USP22: variants seen among roughly 807,000 people sequenced by gnomAD.
USP22 encodes the protein ubiquitin specific peptidase 22, also known as ubiquitin carboxyl-terminal hydrolase 22.
In USP22, 22 loss-of-function variants were observed where a neutral mutation model predicts 68.1. That is an observed-to-expected ratio of 0.32 (90% CI 0.23 to 0.46). The LOEUF (loss-of-function observed/expected upper bound fraction) is 0.46, where lower values mean the gene tolerates loss of function less well. Among genes scored for constraint, USP22 ranks in the 20% least tolerant of loss-of-function variants. The pLI, the probability that USP22 is intolerant of heterozygous loss-of-function variation, is 1.00. For missense variants in USP22, 433 were observed against 695.8 expected (o/e 0.62, Z 4.25); for synonymous variants, 279 against 274.2 (o/e 1.02, Z -0.17).
At chr17:21,040,266 T>C (rs992530410) in intron 1 of USP22, among the ~76,000 whole-genome samples, 1 of 152,226 alleles carries the variant, frequency 6.6e-6, no homozygotes, top group African/African-American at 2.4e-5. Context: ...ATTGTCCAAC[T>C]GTTAATCATC....
At chr17:21,007,732 C>T (rs1913822766) in intron 9 of USP22, 138 bp downstream of exon 9, 1 of 1,122,864 alleles carries the variant, frequency 8.9e-7, no homozygotes, top group Non-Finnish European at 1.3e-6. Context: ...AATTCCCTCA[C>T]ACCCTCCCTT....
intron 3 of USP22, 88 bp from the exon 4 acceptor site, chr17:21,019,273 T>C (rs1972125118): frequency 7.6e-7 from 1 of 1,324,058 alleles, no homozygotes; most frequent in South Asian, 1.2e-5. Flanking sequence ...CGCTATGCTG[T>C]CTGTCAGGGT....
intron 1 of USP22, among the ~76,000 whole-genome samples, chr17:21,035,515 C>CAAAA (rs397713970): frequency 6.8e-6 from 1 of 147,344 alleles, no homozygotes; most frequent in Non-Finnish European, 1.5e-5. Context: ...GGAAATAGGA[C>CAAAA]AAAAAAAAAA....
Position 21,017,948 on chromosome 17 carries a change from A to C in USP22, c.684T>G (p.Phe228Leu), listed in dbSNP as rs773476929. Residue 228 changes from phenylalanine to leucine, a missense_variant, in exon 5 of 13, where the codon TTT becomes TTG. This residue lies in a region of USP22 where 144 missense variants were observed against 237.2 expected (regional missense o/e 0.61). Coordinates refer to ENST00000261497, the MANE Select transcript of USP22 (RefSeq NM_015276.2). ...AGAAGTCAATGGCGCTCACCTCCTG[A>C]AACAGTGAGGACATCTCACAGACCA... ...SCLVCEMSSLFQEFYSGHRSP... is the reference protein window; with the variant it reads ...SCLVCEMSSLLQEFYSGHRSP... The C allele has an allele frequency of 6.8e-6, 11 of 1,613,962 alleles. No homozygotes were observed. Among genetic ancestry groups the C allele is most frequent in the Admixed American group, 1.7e-5 (1 of 59,996 alleles).
intron 1 of USP22, among the ~76,000 whole-genome samples, chr17:21,034,070 G>GA (rs796357794): frequency 0.017 from 2,493 of 147,250 alleles, 59 homozygotes; most frequent in African/African-American, 0.053. Flanking sequence ...TCCTTTATAT[G>GA]AAAAAAAAAA....
At position 21,028,642 on chromosome 17, in the gene USP22, G is replaced by C. The variant is rs779387291; in HGVS notation, c.204C>G (p.Val68=). The change falls in exon 2 of 13, where the codon GTC becomes GTG. Residue 68 remains valine (V), a synonymous_variant. Transcript: ENST00000261497. ...GGCAGGAATGCAGCCTGTTGAGGTG[G>C]ACGCCACAGACATGGCAGATACAGG... ...AKSCICHVCG[V]HLNRLHSCLY... The C allele has an allele frequency of 3.1e-6, 5 of 1,613,970 alleles. No individual in the cohort carries two copies. Among genetic ancestry groups the C allele is most frequent in the Non-Finnish European group, 4.2e-6 (5 of 1,179,988 alleles).
At chr17:21,041,771 C>A (rs992134599) in intron 1 of USP22, among the ~76,000 whole-genome samples, 17 of 152,234 alleles carry the variant, frequency 1.1e-4, no homozygotes, top group Admixed American at 9.8e-4. Context: ...AAACTTTATT[C>A]ACATAGAAGA....
intron 1 of USP22, chr17:21,042,344 G>GGGCGGAGAGAAGGGAGGGGT (rs1972446201): frequency 5.9e-6 from 1 of 170,222 alleles, no homozygotes; most frequent in Admixed American, 6.4e-5. Context: ...AAGGGAGGGG[G>GGGCGGAGAGAAGGGAGGGGT]AGGGCGGAGA....
At chr17:21,034,808 C>G (rs902913932) in intron 1 of USP22, among the ~76,000 whole-genome samples, 3 of 152,058 alleles carry the variant, frequency 2.0e-5, no homozygotes, top group Non-Finnish European at 4.4e-5. Context: ...GCTTCTTTTA[C>G]GTGAAAAGGT....
chr17:21,033,915 A>C (rs1418451869), intron 1 of USP22, among the ~76,000 whole-genome samples: 1 of 152,042 alleles, frequency 6.6e-6, no homozygotes, highest in African/African-American at 2.4e-5. Context: ...TGCTCGGCTA[A>C]CTTTTTGTAT....
chr17:21,022,854 G>A (rs1972173866), intron 2 of USP22, among the ~76,000 whole-genome samples: 2 of 151,584 alleles, frequency 1.3e-5, no homozygotes, highest in Non-Finnish European at 2.9e-5. Flanking sequence ...AAGGTAAATG[G>A]CTCTACCATA....
intron 1 of USP22, among the ~76,000 whole-genome samples, chr17:21,039,913 C>T (rs750359053): frequency 3.3e-5 from 5 of 152,064 alleles, no homozygotes; most frequent in Non-Finnish European, 7.4e-5. Flanking sequence ...ATCATTAAAA[C>T]CAAAAATATG....
intron 2 of USP22, among the ~76,000 whole-genome samples, chr17:21,021,706 G>A (rs889275407): frequency 6.6e-6 from 1 of 152,162 alleles, no homozygotes; most frequent in Non-Finnish European, 1.5e-5. Flanking sequence ...AGTACAGGGG[G>A]AAAATAGTTT....
intron 12 of USP22, 77 bp downstream of exon 12, chr17:21,004,125 A>G (rs1368491911): frequency 7.7e-6 from 12 of 1,555,198 alleles, no homozygotes; most frequent in Non-Finnish European, 9.6e-6. Context: ...AGGCTCAGAC[A>G]TGGGCTAGTC....
At chr17:21,012,259 G>GA (rs34894477) in intron 7 of USP22, among the ~76,000 whole-genome samples, 1 of 151,890 alleles carries the variant, frequency 6.6e-6, no homozygotes, top group Non-Finnish European at 1.5e-5. Flanking sequence ...CCCCATGCCT[G>GA]AAAAAAACAA....
intron 1 of USP22, among the ~76,000 whole-genome samples, chr17:21,040,186 A>G (rs1258277934): frequency 1.3e-5 from 2 of 152,212 alleles, no homozygotes; most frequent in Admixed American, 6.5e-5. Flanking sequence ...ACAAAAAATA[A>G]TTTTTAATAA....
intron 5 of USP22, 105 bp downstream of exon 5, chr17:21,017,837 G>A (rs1972107402): frequency 1.5e-6 from 2 of 1,376,172 alleles, no homozygotes; most frequent in Non-Finnish European, 2.0e-6. Flanking sequence ...TACTACAAAA[G>A]GTTCTAAATG....
rs1394257995 is a variant in USP22 at position 21,004,202 on chromosome 17, C to G, written c.1535G>C (p.Gly512Ala). ...ASIKDVLDSEGYLLFYHKQFL... is the reference protein window; with the variant it reads ...ASIKDVLDSEAYLLFYHKQFL... Reference sequence around the variant, plus strand: ...CTTCCTCCCACCCCACAGGACGCACCCTTCGCTGTCCAGGACGTCCTTGAT... The same window carrying G: ...CTTCCTCCCACCCCACAGGACGCACGCTTCGCTGTCCAGGACGTCCTTGAT... Residue 512 changes from glycine to alanine, a missense_variant and splice_region_variant, in exon 12 of 13, where the codon GGG becomes GCG. This residue lies in a region of USP22 where 178 missense variants were observed against 351.5 expected (regional missense o/e 0.51). Coordinates refer to ENST00000261497, the MANE Select transcript of USP22 (RefSeq NM_015276.2). 6.2e-7 allele frequency: 1 copy of G among 1,613,976 alleles called. No individual in the cohort carries two copies. Among genetic ancestry groups the G allele is most frequent in the East Asian group, 2.2e-5 (1 of 44,890 alleles).
rs113009444 is a variant in USP22 at position 21,004,918 on chromosome 17, C to A, written c.1385+10G>T. 6.9e-5 allele frequency: 112 copies of A among 1,614,104 alleles called. No individual in the cohort carries two copies. In the African/African-American group the frequency reaches 1.3e-3, roughly 19 times the overall value. On this transcript the variant is annotated intron_variant, in intron 11 of 12. Transcript: ENST00000261497. ...GGCCCTGGACACCCACACCGCTAAG[C>A]ACCACTTACTTGTTGTCATTGTTGA...
Sources: allele counts gnomAD v4.1 joint callset (sites outside exome capture counted in the v4.1 genomes callset), GRCh38; gene constraint gnomAD v4.1.1; regional missense constraint gnomAD v4.1.1; transcripts MANE v1.5; gene names NCBI Gene and HGNC (gene_info 2026-07-23, HGNC 2026-07-21).